The following SLIT3 variants were observed in gnomAD, a reference collection of about 807,000 sequenced individuals.
SLIT3 encodes the protein slit homolog 3 protein.
A neutral mutation model predicts 184.0 loss-of-function variants in SLIT3; 68 were observed. That is an observed-to-expected ratio of 0.37 (90% CI 0.30 to 0.45). The LOEUF (loss-of-function observed/expected upper bound fraction) is 0.45. Ranked by LOEUF, SLIT3 falls within the 20% of genes least tolerant of loss-of-function variation. SLIT3 has a pLI of 1.00. For missense variants in SLIT3, 1,707 were observed against 2,026.0 expected (o/e 0.84, Z 3.02); for synonymous variants, 831 against 828.6 (o/e 1.00, Z -0.05).
Position 169,085,373 on chromosome 5 carries a change from G to A in SLIT3, c.413+108106C>T, listed in dbSNP as rs547381623. Among the ~76,000 whole-genome samples the A allele has an allele frequency of 3.3e-5, 5 of 152,288 alleles. No individual in the cohort carries two copies. In the East Asian group the frequency reaches 7.7e-4, roughly 24 times the overall value. ...TTTATGACATCTTCTGACCCAGTGA[G>A]CAGACCTGGGCAATAAAATGCAAAT... On this transcript the variant is annotated intron_variant, in intron 4 of 35. Transcript: ENST00000519560.
intron 5 of SLIT3, among the ~76,000 whole-genome samples, chr5:168,852,406 G>A (rs2938763): frequency 0.52 from 78,471 of 152,046 alleles, 21,449 homozygotes; most frequent in African/African-American, 0.7. Flanking sequence ...TTCCAGCTGC[G>A]TGAATATGAC....
At chr5:168,757,580 C>G (rs972071331) in intron 16 of SLIT3, among the ~76,000 whole-genome samples, 3 of 152,168 alleles carry the variant, frequency 2.0e-5, no homozygotes, top group African/African-American at 7.2e-5. Context: ...ACTACAGGCG[C>G]CTGCCATTGC....
intron 5 of SLIT3, among the ~76,000 whole-genome samples, chr5:168,864,987 G>A (rs1759246020): frequency 6.6e-6 from 1 of 152,082 alleles, no homozygotes; most frequent in Non-Finnish European, 1.5e-5. Context: ...GGCCAATGTG[G>A]TGAAACCCCA....
intron 4 of SLIT3, among the ~76,000 whole-genome samples, chr5:169,057,010 C>T (rs1758028319): frequency 6.6e-6 from 1 of 152,146 alleles, no homozygotes; most frequent in Non-Finnish European, 1.5e-5. Context: ...CAAGAGCAGG[C>T]ATGTTGTAAG....
intron 4 of SLIT3, among the ~76,000 whole-genome samples, chr5:169,090,132 C>A: frequency 6.6e-6 from 1 of 152,020 alleles, no homozygotes; most frequent in Non-Finnish European, 1.5e-5. Context: ...ATAAAGGGAA[C>A]GGGTGATGTT....
chr5:168,805,514 G>A (rs749197563), intron 9 of SLIT3, among the ~76,000 whole-genome samples: 3 of 152,072 alleles, frequency 2.0e-5, no homozygotes, highest in Non-Finnish European at 2.9e-5. Flanking sequence ...AACAACTGTC[G>A]CTATTTAAAG....
At chr5:169,121,493 G>T (rs1032244628) in intron 4 of SLIT3, among the ~76,000 whole-genome samples, 5 of 152,136 alleles carry the variant, frequency 3.3e-5, no homozygotes, top group African/African-American at 1.2e-4. Flanking sequence ...TGAGGCTGCT[G>T]CGTCCTGTCA....
chr5:168,979,598 C>T (rs1235490366), intron 4 of SLIT3, among the ~76,000 whole-genome samples: 1 of 152,188 alleles, frequency 6.6e-6, no homozygotes, highest in Non-Finnish European at 1.5e-5. Flanking sequence ...GCTCTTCAGA[C>T]AAGGGCAGTG....
At chr5:168,666,885 G>GACAGGCTT (rs1275699366) in intron 35 of SLIT3, 196 bp from the exon 36 acceptor site, 2 of 844,332 alleles carry the variant, frequency 2.4e-6, no homozygotes, top group African/African-American at 1.7e-5. Context: ...CAGGCTCTCT[G>GACAGGCTT]ACAGGCTTAC....
At chr5:168,852,804 C>T (rs1228834868) in intron 5 of SLIT3, among the ~76,000 whole-genome samples, 2 of 152,194 alleles carry the variant, frequency 1.3e-5, no homozygotes, top group Non-Finnish European at 2.9e-5. Flanking sequence ...TGATTCACAT[C>T]CATGCCCCTC....
At chr5:169,028,256 A>G (rs890334195) in intron 4 of SLIT3, among the ~76,000 whole-genome samples, 1 of 151,526 alleles carries the variant, frequency 6.6e-6, no homozygotes, top group Non-Finnish European at 1.5e-5. Context: ...AAAAAAAAAA[A>G]TCTGTGAATT....
At chr5:168,953,204 G>T (rs1025814024) in intron 4 of SLIT3, among the ~76,000 whole-genome samples, 1 of 152,204 alleles carries the variant, frequency 6.6e-6, no homozygotes, top group East Asian at 1.9e-4. Flanking sequence ...AGAGATTCTT[G>T]GTCAGTATAA....
At chr5:168,989,742 C>T (rs1755254256) in intron 4 of SLIT3, among the ~76,000 whole-genome samples, 1 of 152,104 alleles carries the variant, frequency 6.6e-6, no homozygotes. Context: ...AGAGAATGAA[C>T]AAGAAACGTA....
At chr5:168,674,383 C>T (rs898035662) in intron 32 of SLIT3, among the ~76,000 whole-genome samples, 1 of 151,986 alleles carries the variant, frequency 6.6e-6, no homozygotes, top group Admixed American at 6.6e-5. Context: ...AGGAAATGCT[C>T]ATTAGAAGAT....
chr5:169,265,885 C>T lies in SLIT3; in HGVS notation c.198-14426G>A, dbSNP rs138789094. Among the ~76,000 whole-genome samples the T allele has an allele frequency of 2.1e-3, 315 of 152,302 alleles. 2 individuals carry two copies. The highest frequency in any genetic ancestry group is 7.3e-3 in the African/African-American group (303 of 41,542). On this transcript the variant is annotated intron_variant, in intron 1 of 35. Coordinates refer to ENST00000519560, the MANE Select transcript of SLIT3 (RefSeq NM_003062.4). ...ACAAAGGTGCACCTGGTCAAATCCA[C>T]AGCTCCACCCCAAATCTCCTTCATC... is the stretch of plus-strand genomic sequence containing the variant.
At chr5:168,841,271 G>A (rs921661591) in intron 6 of SLIT3, among the ~76,000 whole-genome samples, 1 of 152,196 alleles carries the variant, frequency 6.6e-6, no homozygotes, top group African/African-American at 2.4e-5. Flanking sequence ...TGTAAAAGCA[G>A]GGTGAGGGTA....
In SLIT3 at chr5:168,683,947, G is replaced by A; in HGVS notation, c.3686+19C>T. 1 of 1,500,626 alleles carries A rather than the reference G, an allele frequency of 6.7e-7. No individual in the cohort carries two copies. Among genetic ancestry groups the A allele is most frequent in the Middle Eastern group, 1.8e-4 (1 of 5,606 alleles). 93.0% of individuals were successfully genotyped at this position (1,500,626 alleles called of 1,614,324 possible). ...TGCGGAGGAACACACAGTGGGTCAG[G>A]AGGGAGAGAGGCCCTTACCTGTACA... On this transcript the variant is annotated intron_variant, in intron 32 of 35. Coordinates refer to ENST00000519560, the MANE Select transcript of SLIT3 (RefSeq NM_003062.4).
chr5:169,235,417 T>G (rs184659412), intron 3 of SLIT3, among the ~76,000 whole-genome samples: 4 of 152,350 alleles, frequency 2.6e-5, no homozygotes, highest in African/African-American at 9.6e-5. Flanking sequence ...AGAATAGATT[T>G]TGATTTACAT....
intron 1 of SLIT3, among the ~76,000 whole-genome samples, chr5:169,279,511 T>C (rs1766926265): frequency 6.6e-6 from 1 of 152,214 alleles, no homozygotes; most frequent in Non-Finnish European, 1.5e-5. Flanking sequence ...GACTTACATA[T>C]ATTCCATATT....
Sources: gnomAD v4.1 joint callset for allele counts (sites outside exome capture counted in the v4.1 genomes callset) on GRCh38, gnomAD v4.1.1 for gene constraint, MANE v1.5 for transcripts, NCBI Gene and HGNC (gene_info 2026-07-23, HGNC 2026-07-21) for gene names.